Variants in RCAN1 observed in about 807,000 individuals in gnomAD.
RCAN1 encodes regulator of calcineurin 1, also known as calcipressin-1.
RCAN1 carries 11 observed loss-of-function variants against 22.9 expected under a neutral mutation model. The observed-to-expected ratio is 0.48, with a 90% CI of 0.30 to 0.79. The LOEUF is 0.79. RCAN1 is among the 30% of genes least tolerant of loss of function. The probability of loss-of-function intolerance (pLI) is 0.06; values close to 1 mark genes in which losing one functional copy is unlikely to be tolerated. For synonymous variants in RCAN1, 136 were observed against 142.3 expected (o/e 0.96, Z 0.32); for missense variants, 291 against 337.8 (o/e 0.86, Z 1.09).
intron 1 of RCAN1, among the ~76,000 whole-genome samples, chr21:34,571,633 T>C (rs79732037): frequency 1.8e-3 from 270 of 152,334 alleles, no homozygotes; most frequent in African/African-American, 6.3e-3. Context: ...CATGGCTCAC[T>C]GTAGTGTTAC....
chr21:34,542,541 C>A (rs144921185), intron 1 of RCAN1, among the ~76,000 whole-genome samples: 2 of 46,096 alleles, frequency 4.3e-5, no homozygotes, highest in African/African-American at 1.9e-4. Flanking sequence ...GGAGTGGACC[C>A]TCCAGTCGCC....
At chr21:34,543,097 AG>A (rs1293570405) in intron 1 of RCAN1, among the ~76,000 whole-genome samples, 1 of 152,230 alleles carries the variant, frequency 6.6e-6, no homozygotes, top group Non-Finnish European at 1.5e-5. Context: ...CTTGGTGCAT[AG>A]GAAGTTTCCA....
At chr21:34,580,955 G>A (rs1427034085) in intron 1 of RCAN1, among the ~76,000 whole-genome samples, 1 of 152,126 alleles carries the variant, frequency 6.6e-6, no homozygotes, top group Non-Finnish European at 1.5e-5. Flanking sequence ...GGAAAAGGAG[G>A]GGTGAGAAGG....
intron 1 of RCAN1, among the ~76,000 whole-genome samples, chr21:34,610,740 G>T (rs1373166969): frequency 6.6e-6 from 1 of 152,194 alleles, no homozygotes; most frequent in Non-Finnish European, 1.5e-5. Flanking sequence ...GCTCCCTAGA[G>T]ACTCTGACGT....
At chr21:34,606,218 C>T (rs1164660212) in intron 1 of RCAN1, among the ~76,000 whole-genome samples, 5 of 152,154 alleles carry the variant, frequency 3.3e-5, no homozygotes, top group African/African-American at 7.2e-5. Context: ...CAAACAACCC[C>T]GGGCACAGTG....
intron 1 of RCAN1, among the ~76,000 whole-genome samples, chr21:34,553,175 C>T (rs1568904381): frequency 6.6e-6 from 1 of 152,224 alleles, no homozygotes. Context: ...CCAACTGCTT[C>T]TCAAACCTGA....
chr21:34,518,262 G>T lies in RCAN1; in HGVS notation c.587-6C>A. 6.2e-7 allele frequency: 1 copy of T among 1,613,308 alleles called. No individual in the cohort carries two copies. The highest frequency in any genetic ancestry group is 8.5e-7 in the Non-Finnish European group (1 of 1,179,428). On this transcript the variant is annotated splice_polypyrimidine_tract_variant and splice_region_variant and intron_variant, in intron 3 of 3. Transcript: ENST00000313806. This position sits in a 1 kb window ranked among gnomAD's most constrained non-coding sequence, Gnocchi z 4.2. ...GTGCAATTCATACTTTTCCCCTAAG[G>T]AGGGAAAATAATCGCAGGGTCACTC...
intron 1 of RCAN1, among the ~76,000 whole-genome samples, chr21:34,581,299 T>C (rs1987600038): frequency 6.6e-6 from 1 of 152,138 alleles, no homozygotes; most frequent in African/African-American, 2.4e-5. Context: ...ACGCTGTTTG[T>C]AGGGTCCAAA....
chr21:34,585,674 C>T (rs1206917933), intron 1 of RCAN1, among the ~76,000 whole-genome samples: 2 of 129,664 alleles, frequency 1.5e-5, no homozygotes, highest in Non-Finnish European at 3.1e-5. Context: ...ACCCAGGAGG[C>T]GGAGCTTGCA....
intron 1 of RCAN1, among the ~76,000 whole-genome samples, chr21:34,556,087 A>C (rs1047041933): frequency 4.1e-5 from 4 of 98,282 alleles, no homozygotes; most frequent in Non-Finnish European, 5.9e-5. Context: ...TAAATAAATA[A>C]ATAAATAAAT....
At chr21:34,580,224 G>C (rs1184173390) in intron 1 of RCAN1, among the ~76,000 whole-genome samples, 1 of 152,186 alleles carries the variant, frequency 6.6e-6, no homozygotes, top group Non-Finnish European at 1.5e-5. Flanking sequence ...TCTACCCCCG[G>C]GTATGCTAGA....
At chr21:34,537,004 C>T (rs1049856683) in intron 1 of RCAN1, among the ~76,000 whole-genome samples, 1 of 152,244 alleles carries the variant, frequency 6.6e-6, no homozygotes, top group African/African-American at 2.4e-5. Flanking sequence ...CAACAGGGCA[C>T]TGCAAACGCT....
At chr21:34,593,791 T>C (rs1372879028) in intron 1 of RCAN1, among the ~76,000 whole-genome samples, 2 of 152,166 alleles carry the variant, frequency 1.3e-5, no homozygotes, top group African/African-American at 4.8e-5. Context: ...TGGAAAAATA[T>C]CTGGAAAATG....
At chr21:34,585,507 G>T (rs1744986371) in intron 1 of RCAN1, among the ~76,000 whole-genome samples, 1 of 152,084 alleles carries the variant, frequency 6.6e-6, no homozygotes, top group Non-Finnish European at 1.5e-5. Flanking sequence ...ACTTTCGGAG[G>T]CCGAGGTGGG....
In RCAN1 at chr21:34,614,919, C is replaced by T. The variant is rs1484038956; in HGVS notation, c.93G>A (p.Arg31=). ...EARARPGVTL[R]PFAPLSGAAE... ...CCGCCCCCGAGAGGGGCGCGAAGGG[C>T]CGCAGCGTCACCCCGGGCCGCGCTC... Residue 31 remains arginine (R), a synonymous_variant, in exon 1 of 4, where the codon CGG becomes CGA. Coordinates refer to ENST00000313806, the MANE Select transcript of RCAN1 (RefSeq NM_004414.7). This position sits in a 1 kb window ranked among gnomAD's most constrained non-coding sequence, Gnocchi z 6.0. 7.2e-7 allele frequency: 1 copy of T among 1,392,456 alleles called. No homozygotes were observed. Among genetic ancestry groups the T allele is most frequent in the Non-Finnish European group, 9.4e-7 (1 of 1,063,638 alleles). The allele number at this position is 1,392,456 out of a possible 1,614,324, so 86.3% of individuals were successfully genotyped here. A position where few individuals can be genotyped will look rare whatever the true frequency, so the allele number is the denominator to read the frequency against.
intron 1 of RCAN1, among the ~76,000 whole-genome samples, chr21:34,570,801 A>T (rs750967425): frequency 1.5e-4 from 23 of 152,182 alleles, no homozygotes; most frequent in Admixed American, 3.3e-4. Flanking sequence ...AGAGCTACAA[A>T]CTGCTTTTAG....
intron 1 of RCAN1, among the ~76,000 whole-genome samples, chr21:34,582,913 T>C (rs1214528116): frequency 1.3e-5 from 2 of 152,026 alleles, no homozygotes; most frequent in African/African-American, 4.8e-5. Flanking sequence ...GGCTGCTGGG[T>C]TGGCTGTGCG....
At chr21:34,613,327 C>G (rs1002599729) in intron 1 of RCAN1, among the ~76,000 whole-genome samples, 2 of 152,190 alleles carry the variant, frequency 1.3e-5, no homozygotes, top group East Asian at 3.8e-4. Context: ...TGTTTCCCTT[C>G]CAAAAAATGT....
At chr21:34,550,083 C>T (rs1442326158) in intron 1 of RCAN1, among the ~76,000 whole-genome samples, 1 of 152,134 alleles carries the variant, frequency 6.6e-6, no homozygotes, top group African/African-American at 2.4e-5. Context: ...TGGACACCCT[C>T]GTTGTATTTC....
Sources: gnomAD v4.1 joint callset for allele counts (sites outside exome capture counted in the v4.1 genomes callset) on GRCh38, gnomAD v4.1.1 for gene constraint, Gnocchi (gnomAD v3.1) non-coding constraint, MANE v1.5 for transcripts, NCBI Gene and HGNC (gene_info 2026-07-23, HGNC 2026-07-21) for gene names.